The following PRKN variants were observed in gnomAD, a reference collection of about 807,000 sequenced individuals.
PRKN encodes parkin RBR E3 ubiquitin protein ligase, also known as E3 ubiquitin-protein ligase parkin.
PRKN carries 56 observed loss-of-function variants against 59.5 expected under a neutral mutation model. The observed-to-expected ratio is 0.94, with a 90% CI of 0.76 to 1.18. The LOEUF (loss-of-function observed/expected upper bound fraction) is 1.18, where lower values mean the gene tolerates loss of function less well. PRKN is among the 50% of genes most tolerant of loss of function. The pLI is 0.00. For missense variants in PRKN, 657 were observed against 596.4 expected (o/e 1.10, Z -1.06); for synonymous variants, 250 against 222.1 (o/e 1.13, Z -1.12).
At chr6:162,324,471 A>C (rs1783176225) in intron 2 of PRKN, among the ~76,000 whole-genome samples, 1 of 152,170 alleles carries the variant, frequency 6.6e-6, no homozygotes, top group Non-Finnish European at 1.5e-5. Flanking sequence ...AAGAAACCCA[A>C]ATTAACCCAA....
intron 9 of PRKN, among the ~76,000 whole-genome samples, chr6:161,479,539 C>T (rs1791290088): frequency 6.6e-6 from 1 of 152,168 alleles, no homozygotes; most frequent in Admixed American, 6.5e-5. Context: ...ATGCTGGTTT[C>T]AGTGTCTCAG....
intron 1 of PRKN, among the ~76,000 whole-genome samples, chr6:162,683,507 T>C (rs1271955372): frequency 6.6e-6 from 1 of 152,162 alleles, no homozygotes; most frequent in South Asian, 2.1e-4. Context: ...TTCTACAAGA[T>C]GGACTATGCT....
chr6:161,662,456 G>T (rs1445711872), intron 7 of PRKN, among the ~76,000 whole-genome samples: 1 of 152,188 alleles, frequency 6.6e-6, no homozygotes, highest in Non-Finnish European at 1.5e-5. Flanking sequence ...GTATCGAGTG[G>T]TAGACAGTGG....
chr6:162,113,620 A>C (rs948097070), intron 4 of PRKN, among the ~76,000 whole-genome samples: 2 of 152,200 alleles, frequency 1.3e-5, no homozygotes, highest in Non-Finnish European at 2.9e-5. Context: ...CTTATGTCTG[A>C]AAGTCAAATA....
At chr6:162,636,725 C>T (rs1256218501) in intron 1 of PRKN, among the ~76,000 whole-genome samples, 2 of 152,204 alleles carry the variant, frequency 1.3e-5, no homozygotes, top group African/African-American at 4.8e-5. Context: ...TGGCTAACAG[C>T]TGTAATCCCA....
rs1786965720 is a variant in PRKN at position 161,400,235 on chromosome 6, C to T, written c.1084-13358G>A. Among the ~76,000 whole-genome samples, 1 of 152,086 alleles carries T rather than the reference C, an allele frequency of 6.6e-6. No homozygotes were observed. The highest frequency in any genetic ancestry group is 1.5e-5 in the Non-Finnish European group (1 of 68,030). On this transcript the variant is annotated intron_variant, in intron 9 of 11. Transcript: ENST00000366898. This position sits in a 1 kb window ranked among gnomAD's most constrained non-coding sequence, Gnocchi z 4.2. ...GGTCCACAGAACAAAAGCGACAGAA[C>T]ACCTCCAATATTTTAGAAGAAAGTA...
At chr6:161,638,060 C>T (rs1333805528) in intron 7 of PRKN, among the ~76,000 whole-genome samples, 2 of 152,100 alleles carry the variant, frequency 1.3e-5, no homozygotes, top group Admixed American at 1.3e-4. Flanking sequence ...CAAACAATGC[C>T]TCCCACCATC....
intron 6 of PRKN, among the ~76,000 whole-genome samples, chr6:161,839,015 T>TG (rs1792876190): frequency 6.6e-6 from 1 of 150,448 alleles, no homozygotes; most frequent in Non-Finnish European, 1.5e-5. Context: ...CTGGGCGAGG[T>TG]GGGGGGAGGA....
chr6:162,704,398 C>A (rs1276360747), intron 1 of PRKN, among the ~76,000 whole-genome samples: 4 of 152,150 alleles, frequency 2.6e-5, no homozygotes, highest in Non-Finnish European at 2.9e-5. Context: ...GGGATGAAAC[C>A]AGGTCATCAC....
At chr6:162,371,425 T>C (rs1785760792) in intron 2 of PRKN, among the ~76,000 whole-genome samples, 1 of 152,150 alleles carries the variant, frequency 6.6e-6, no homozygotes, top group South Asian at 2.1e-4. Flanking sequence ...TCCTAAGTAT[T>C]ATTTCAGCTG....
intron 3 of PRKN, among the ~76,000 whole-genome samples, chr6:162,228,204 G>T (rs888497195): frequency 1.3e-5 from 2 of 152,152 alleles, no homozygotes; most frequent in Admixed American, 6.5e-5. Context: ...AGAGAGACGT[G>T]TTTCAACTGA....
At chr6:161,917,811 G>A (rs1344224091) in intron 6 of PRKN, among the ~76,000 whole-genome samples, 1 of 152,226 alleles carries the variant, frequency 6.6e-6, no homozygotes, top group Admixed American at 6.5e-5. Flanking sequence ...AATATAGCAG[G>A]TGATTCATTT....
chr6:162,609,403 A>G (rs948537656), intron 1 of PRKN, among the ~76,000 whole-genome samples: 5 of 152,250 alleles, frequency 3.3e-5, no homozygotes, highest in Non-Finnish European at 7.3e-5. Flanking sequence ...AGAAAAGAAT[A>G]GCAACTTCAT....
chr6:162,563,481 G>A (rs1216181880), intron 1 of PRKN, among the ~76,000 whole-genome samples: 1 of 152,174 alleles, frequency 6.6e-6, no homozygotes, highest in Middle Eastern at 3.2e-3. Flanking sequence ...CCCTAAAGTA[G>A]ATACAGCTTA....
intron 7 of PRKN, among the ~76,000 whole-genome samples, chr6:161,731,302 C>T (rs1787701951): frequency 1.3e-5 from 2 of 152,178 alleles, no homozygotes; most frequent in Admixed American, 1.3e-4. Context: ...TGGGTCATGA[C>T]TGAAAAAACA....
chr6:162,008,533 A>T (rs1182500921), intron 5 of PRKN, among the ~76,000 whole-genome samples: 1 of 152,208 alleles, frequency 6.6e-6, no homozygotes, highest in East Asian at 1.9e-4. Flanking sequence ...ACCACCAGAT[A>T]GAAGCTGCAG....
At chr6:161,907,715 G>A (rs749399154) in intron 6 of PRKN, among the ~76,000 whole-genome samples, 1 of 152,182 alleles carries the variant, frequency 6.6e-6, no homozygotes, top group Admixed American at 6.5e-5. Context: ...TGTATTTGCT[G>A]AGATCGAAAG....
chr6:162,520,950 G>C (rs1419937334), intron 1 of PRKN, among the ~76,000 whole-genome samples: 1 of 152,086 alleles, frequency 6.6e-6, no homozygotes, highest in East Asian at 1.9e-4. Context: ...TGAATACCTA[G>C]AAAACTACTA....
intron 8 of PRKN, among the ~76,000 whole-genome samples, chr6:161,553,187 T>C (rs796661120): frequency 1.3e-4 from 20 of 152,324 alleles, no homozygotes; most frequent in African/African-American, 4.8e-4. Flanking sequence ...ATTTATCTGT[T>C]GAAGAAAGCA....
Sources: allele counts gnomAD v4.1 joint callset (sites outside exome capture counted in the v4.1 genomes callset), GRCh38; gene constraint gnomAD v4.1.1; non-coding constraint Gnocchi (gnomAD v3.1); transcripts MANE v1.5; gene names NCBI Gene and HGNC (gene_info 2026-07-23, HGNC 2026-07-21).